The following COL22A1 variants were observed in gnomAD, a reference collection of about 807,000 sequenced individuals.
COL22A1 encodes the protein collagen alpha-1(XXII) chain.
COL22A1 carries 221 observed loss-of-function variants against 248.9 expected under a neutral mutation model. That is an observed-to-expected ratio of 0.89 (90% CI 0.80 to 0.99). The LOEUF (loss-of-function observed/expected upper bound fraction) is 0.99. Ranked by LOEUF, COL22A1 falls within the 50% of genes least tolerant of loss-of-function variation. The pLI is 0.00. For synonymous variants in COL22A1, 891 were observed against 793.4 expected, an observed-to-expected ratio of 1.12 and a Z score of -2.07; for missense variants, 2,240 against 2,179.0, an observed-to-expected ratio of 1.03 and a Z score of -0.56.
At chr8:138,703,531 C>T (rs1828144171) in intron 30 of COL22A1, among the ~76,000 whole-genome samples, 184 bp from the exon 31 acceptor site, 1 of 152,160 alleles carries the variant, frequency 6.6e-6, no homozygotes, top group Non-Finnish European at 1.5e-5. Context: ...TATGTACATT[C>T]CAAATTATAA....
intron 37 of COL22A1, 46 bp from the exon 38 acceptor site, chr8:138,685,358 C>G (rs371198153): frequency 6.5e-7 from 1 of 1,527,132 alleles, no homozygotes; most frequent in African/African-American, 1.4e-5. Flanking sequence ...ACACTCAGCA[C>G]GAAGCTTTTC....
chr8:138,599,819 G>C (rs758978366), intron 60 of COL22A1, among the ~76,000 whole-genome samples: 2 of 152,216 alleles, frequency 1.3e-5, no homozygotes, highest in Non-Finnish European at 2.9e-5. Flanking sequence ...ATAGAGAACA[G>C]GATAAGAATG....
intron 42 of COL22A1, among the ~76,000 whole-genome samples, chr8:138,663,012 T>TCACACACAAACACACACACACACACA (rs1238032353): frequency 7.1e-6 from 1 of 140,772 alleles, no homozygotes; most frequent in African/African-American, 2.6e-5. Context: ...CAGGACTCTG[T>TCACACACAAACACACACACACACACA]CACTCACACA....
chr8:138,789,388 G>A (rs1304787273), intron 12 of COL22A1, among the ~76,000 whole-genome samples: 2 of 152,134 alleles, frequency 1.3e-5, no homozygotes, highest in East Asian at 3.8e-4. Context: ...TATCCAACTC[G>A]ATAACCATGA....
chr8:138,843,585 C>T (rs1004933042), intron 4 of COL22A1, among the ~76,000 whole-genome samples: 2 of 152,174 alleles, frequency 1.3e-5, no homozygotes, highest in East Asian at 1.9e-4. Flanking sequence ...CCCGCACCCT[C>T]GCAGCCTTCT....
chr8:138,709,664 C>T (rs1828785423), intron 30 of COL22A1, among the ~76,000 whole-genome samples: 1 of 151,340 alleles, frequency 6.6e-6, no homozygotes, highest in Admixed American at 6.6e-5. Flanking sequence ...GAAGTGATAG[C>T]ATTAGGAGAT....
intron 5 of COL22A1, among the ~76,000 whole-genome samples, chr8:138,830,514 T>G (rs1819958647): frequency 6.6e-6 from 1 of 152,232 alleles, no homozygotes; most frequent in African/African-American, 2.4e-5. Flanking sequence ...GATTTTGTTT[T>G]GGGTGCTTTG....
chr8:138,738,147 C>A (rs1014181983), intron 22 of COL22A1, among the ~76,000 whole-genome samples: 2 of 152,064 alleles, frequency 1.3e-5, no homozygotes, highest in Non-Finnish European at 2.9e-5. Flanking sequence ...CATGGTTTTC[C>A]CTGTGCAAAT....
rs66497386 is a variant in COL22A1, at chr8:138,725,752, G to GACAC, written c.2140-316_2140-313dup. Among the ~76,000 whole-genome samples the GACAC allele has an allele frequency of 3.4e-3, 499 of 148,668 alleles. 3 individuals carry two copies. Among genetic ancestry groups the GACAC allele is most frequent in the Middle Eastern group, 7.3e-3 (2 of 274 alleles). On this transcript the variant is annotated intron_variant, in intron 23 of 64. Coordinates refer to ENST00000303045, the MANE Select transcript of COL22A1 (RefSeq NM_152888.3). ...ATACATATATGTGTGCACATGTGCA[G>GACAC]ACACACACACACACACACACACACA... is the stretch of plus-strand genomic sequence containing the variant.
chr8:138,870,465 A>T (rs1172823668), intron 3 of COL22A1, among the ~76,000 whole-genome samples: 1 of 145,922 alleles, frequency 6.9e-6, no homozygotes, highest in Non-Finnish European at 1.5e-5. Flanking sequence ...TGTACAGGTG[A>T]ATGGGTGTGT....
rs567431688 is a variant in COL22A1, at chr8:138,746,916, C to T, written c.2085+4542G>A. On this transcript the variant is annotated intron_variant, in intron 22 of 64. Transcript: ENST00000303045. ...TCCTTCCTGCAGTCTGTTCTCAATG[C>T]AATAAGACACATGAATGTGTTTAGG... Among the ~76,000 whole-genome samples, 10 of 152,332 alleles carry T rather than the reference C, an allele frequency of 6.6e-5. 1 individual carries two copies. In the South Asian group the frequency reaches 1.7e-3, roughly 25 times the overall value.
chr8:138,865,348 G>A (rs1476078285), intron 3 of COL22A1, among the ~76,000 whole-genome samples: 2 of 152,148 alleles, frequency 1.3e-5, no homozygotes, highest in Non-Finnish European at 2.9e-5. Flanking sequence ...GTGAGCACAT[G>A]TGTGTCTATG....
intron 1 of COL22A1, among the ~76,000 whole-genome samples, chr8:138,901,369 G>GTTTT (rs1396582556): frequency 0.51 from 60,528 of 117,768 alleles, 16,957 homozygotes; most frequent in East Asian, 0.75. Context: ...TTTTTTTTTT[G>GTTTT]TTTTTTTTTT....
intron 5 of COL22A1, among the ~76,000 whole-genome samples, chr8:138,827,616 C>G (rs965154149): frequency 2.0e-5 from 3 of 152,112 alleles, no homozygotes; most frequent in Admixed American, 2.0e-4. Flanking sequence ...AGGGAGGCCT[C>G]AGCTCCCTGT....
At chr8:138,677,254 A>G (rs1450885830) in intron 40 of COL22A1, among the ~76,000 whole-genome samples, 1 of 152,220 alleles carries the variant, frequency 6.6e-6, no homozygotes, top group African/African-American at 2.4e-5. Flanking sequence ...CCTATGCTCT[A>G]GTTTCCTCAC....
At chr8:138,850,701 T>G (rs879860139) in intron 3 of COL22A1, among the ~76,000 whole-genome samples, 1 of 152,174 alleles carries the variant, frequency 6.6e-6, no homozygotes, top group Non-Finnish European at 1.5e-5. Flanking sequence ...GGAAAGAACC[T>G]CGAGCTCCAA....
intron 44 of COL22A1, among the ~76,000 whole-genome samples, chr8:138,658,865 G>GCTCTTCT (rs1823530519): frequency 8.0e-6 from 1 of 125,102 alleles, no homozygotes; most frequent in African/African-American, 4.0e-5. Context: ...TAATCTAACA[G>GCTCTTCT]ATCTTCTCTC....
intron 26 of COL22A1, 146 bp downstream of exon 26, chr8:138,721,890 T>C (rs1829892972): frequency 4.1e-6 from 3 of 728,572 alleles, no homozygotes; most frequent in Non-Finnish European, 7.3e-6. Flanking sequence ...TTCCCCCATC[T>C]GACCCCATAA....
At chr8:138,872,336 C>T (rs72731640) in intron 3 of COL22A1, among the ~76,000 whole-genome samples, 11,275 of 152,224 alleles carry the variant, frequency 0.074, 588 homozygotes, top group Non-Finnish European at 0.11. Flanking sequence ...CACGGGAGCA[C>T]AGGAGAGGCT....
Sources: allele counts gnomAD v4.1 joint callset (sites outside exome capture counted in the v4.1 genomes callset), GRCh38; gene constraint gnomAD v4.1.1; transcripts MANE v1.5; gene names NCBI Gene and HGNC (gene_info 2026-07-23, HGNC 2026-07-21).